RPS6KC1: variants seen among roughly 807,000 people sequenced by gnomAD.
The protein encoded by RPS6KC1 is inactive ribosomal protein S6 kinase delta-1.
In RPS6KC1, 54 loss-of-function variants were observed where a neutral mutation model predicts 103.8. The observed-to-expected ratio is 0.52, with a 90% CI of 0.42 to 0.65. RPS6KC1 has a LOEUF of 0.65. Ranked by LOEUF, RPS6KC1 falls within the 30% of genes least tolerant of loss-of-function variation. The probability of loss-of-function intolerance (pLI) is 0.00; values close to 1 mark genes in which losing one functional copy is unlikely to be tolerated. For synonymous variants in RPS6KC1, 439 were observed against 438.7 expected, an observed-to-expected ratio of 1.00 and a Z score of -0.01; for missense variants, 1,151 against 1,253.8, an observed-to-expected ratio of 0.92 and a Z score of 1.24.
the RPS6KC1 span, among the ~76,000 whole-genome samples, chr1:213,363,682 CTTTCTTTCT>C: frequency 5.7e-5 from 6 of 105,014 alleles, no homozygotes; most frequent in East Asian, 8.4e-4. Context: ...TTCTTTCTTT[CTTTCTTTCT>C]TTCTTTCTTT....
chr1:213,545,528 G>A, the RPS6KC1 span, among the ~76,000 whole-genome samples: 1 of 151,948 alleles, frequency 6.6e-6, no homozygotes, highest in East Asian at 1.9e-4. Flanking sequence ...TTTCCTTTGT[G>A]AGTGTCTGTC....
At chr1:213,796,039 G>A in the RPS6KC1 span, among the ~76,000 whole-genome samples, 2,022 of 152,268 alleles carry the variant, frequency 0.013, 15 homozygotes, top group Non-Finnish European at 0.02. Flanking sequence ...CTTCTAAGAA[G>A]TTCACATTAC....
intron 1 of RPS6KC1, among the ~76,000 whole-genome samples, chr1:213,061,931 T>A (rs2077880013): frequency 6.6e-6 from 1 of 152,252 alleles, no homozygotes; most frequent in African/African-American, 2.4e-5. Context: ...AACTAGCAGC[T>A]GAACAGTGAT....
At chr1:213,477,030 C>A in the RPS6KC1 span, among the ~76,000 whole-genome samples, 1 of 152,140 alleles carries the variant, frequency 6.6e-6, no homozygotes, top group East Asian at 1.9e-4. Flanking sequence ...CTTTGGCAAT[C>A]CCACTGGGTG....
the RPS6KC1 span, among the ~76,000 whole-genome samples, chr1:213,780,673 A>G: frequency 6.6e-6 from 1 of 152,310 alleles, no homozygotes; most frequent in African/African-American, 2.4e-5. Context: ...AGAAGGCCCT[A>G]GTTGAAACCT....
chr1:213,669,031 A>G, the RPS6KC1 span, among the ~76,000 whole-genome samples: 312 of 152,250 alleles, frequency 2.0e-3, 2 homozygotes, highest in African/African-American at 6.7e-3. Context: ...AGACCACTCA[A>G]ACTTTCTTCA....
the RPS6KC1 span, among the ~76,000 whole-genome samples, chr1:213,643,417 T>C: frequency 6.6e-6 from 1 of 152,028 alleles, no homozygotes; most frequent in East Asian, 1.9e-4. Context: ...TGAAGGGTAT[T>C]ATTTCTGTCT....
chr1:213,772,254 T>G, the RPS6KC1 span, among the ~76,000 whole-genome samples: 1 of 152,162 alleles, frequency 6.6e-6, no homozygotes, highest in African/African-American at 2.4e-5. Flanking sequence ...TGCACAATAG[T>G]GTCCAACATT....
chr1:213,241,694 C>T lies in RPS6KC1; in HGVS notation c.2218C>T (p.Gln740Ter). The change falls in exon 11 of 15, where the codon CAA (glutamine) becomes TAA (stop). Residue 740 changes from glutamine (Q) to a stop codon, truncating the protein, a stop_gained. Coordinates refer to ENST00000366960, the MANE Select transcript of RPS6KC1 (RefSeq NM_012424.6). LOFTEE classifies it high-confidence loss of function. The part of the protein sequence containing the change: ...DVLCLRLSTE[Q>*]CQAHEEKGIE... ...TTTATGCCTCAGGCTTAGTACTGAACAATGCCAAGCACATGAGGAGAAAGG... is the reference window on the plus strand; with the variant it reads ...TTTATGCCTCAGGCTTAGTACTGAATAATGCCAAGCACATGAGGAGAAAGG... 6.2e-7 allele frequency: 1 copy of T among 1,613,884 alleles called. No individual in the cohort carries two copies. The highest frequency in any genetic ancestry group is 8.5e-7 in the Non-Finnish European group (1 of 1,179,942).
At chr1:213,624,744 G>C in the RPS6KC1 span, among the ~76,000 whole-genome samples, 2 of 152,074 alleles carry the variant, frequency 1.3e-5, no homozygotes, top group African/African-American at 4.8e-5. Context: ...CCCTCTTTTT[G>C]CCGTGTTCTC....
At chr1:213,092,627 G>A (rs1014351936) in intron 3 of RPS6KC1, among the ~76,000 whole-genome samples, 11 of 150,644 alleles carry the variant, frequency 7.3e-5, no homozygotes, top group Non-Finnish European at 1.2e-4. Context: ...AGCCCAGATC[G>A]TGCCACTGCA....
the RPS6KC1 span, among the ~76,000 whole-genome samples, chr1:213,816,905 T>C: frequency 2.8e-4 from 42 of 152,344 alleles, no homozygotes; most frequent in Non-Finnish European, 5.6e-4. Context: ...CTTGCAACCA[T>C]GCCTCGCATA....
At chr1:213,718,654 C>T in the RPS6KC1 span, among the ~76,000 whole-genome samples, 1 of 152,220 alleles carries the variant, frequency 6.6e-6, no homozygotes, top group Non-Finnish European at 1.5e-5. Context: ...TTGTTCCTTC[C>T]ACACCATCTG....
the RPS6KC1 span, among the ~76,000 whole-genome samples, chr1:213,363,699 T>G: frequency 5.2e-5 from 5 of 96,444 alleles, no homozygotes; most frequent in East Asian, 2.2e-4. Context: ...TCTTTCTTTC[T>G]TTCCTTCTTT....
the RPS6KC1 span, among the ~76,000 whole-genome samples, chr1:213,695,928 T>G: frequency 6.6e-6 from 1 of 152,234 alleles, no homozygotes; most frequent in Non-Finnish European, 1.5e-5. Flanking sequence ...TACAACCTCT[T>G]AAATTGCTGT....
the RPS6KC1 span, among the ~76,000 whole-genome samples, chr1:213,732,471 T>A: frequency 6.6e-6 from 1 of 152,298 alleles, no homozygotes; most frequent in Non-Finnish European, 1.5e-5. Context: ...CAACAACTCC[T>A]TCAAGGCAGG....
intron 3 of RPS6KC1, among the ~76,000 whole-genome samples, chr1:213,087,433 A>G (rs895052734): frequency 6.6e-6 from 1 of 152,196 alleles, no homozygotes; most frequent in Non-Finnish European, 1.5e-5. Context: ...TATTGGTTCT[A>G]AGAGGCTGTG....
chr1:213,188,213 T>G (rs981796196), intron 8 of RPS6KC1, among the ~76,000 whole-genome samples: 1 of 152,012 alleles, frequency 6.6e-6, no homozygotes, highest in Non-Finnish European at 1.5e-5. Context: ...TGGATTAAGG[T>G]GGGGACAAGT....
chr1:213,696,010 A>C, the RPS6KC1 span, among the ~76,000 whole-genome samples: 9 of 152,198 alleles, frequency 5.9e-5, no homozygotes, highest in African/African-American at 2.2e-4. Flanking sequence ...TCATGTCATC[A>C]TGAACCTTTA....
Sources: allele counts gnomAD v4.1 joint callset (sites outside exome capture counted in the v4.1 genomes callset), GRCh38; gene constraint gnomAD v4.1.1; transcripts MANE v1.5; gene names NCBI Gene and HGNC (gene_info 2026-07-23, HGNC 2026-07-21).